The following TIGD5 variants were observed in gnomAD, a reference collection of about 807,000 sequenced individuals.
The protein encoded by TIGD5 is tigger transposable element-derived protein 5.
Under a neutral mutation model 28.8 loss-of-function variants are expected in TIGD5, and 24 were observed. That is an observed-to-expected ratio of 0.83 (90% confidence interval 0.60 to 1.17). The LOEUF (loss-of-function observed/expected upper bound fraction) is 1.17. TIGD5 is among the 50% of genes most tolerant of loss of function. The pLI is 0.00. For synonymous variants in TIGD5, 538 were observed against 430.5 expected, an observed-to-expected ratio of 1.25 and a Z score of -3.09; for missense variants, 922 against 911.4, an observed-to-expected ratio of 1.01 and a Z score of -0.15.
Position 143,599,238 on chromosome 8 carries a change from G to T in TIGD5, c.1335G>T (p.Pro445=). The T allele has an allele frequency of 6.2e-7, 1 of 1,611,544 alleles. No individual in the cohort carries two copies. Residue 445 remains proline, a synonymous_variant, in exon 1 of 1, where the codon CCG becomes CCT. Transcript: ENST00000504548. ...CTGTGTCCTGCGCCAGCGGCTCCCC[G>T]CTGGACTTCATGCGCAGCTTCATGC... The part of the protein sequence containing the change: ...RLAVSCASGS[P]LDFMRSFMLK...
rs1242774911 is a variant in TIGD5 at position 143,597,992 on chromosome 8, TCCCCGCTGCACGGCCGCCGCC to T, written c.96_116del (p.Ala33_Ala39del). Reference sequence around the variant, plus strand: ...CCCCCCGCGCCCGCCCCAGCCCCCGTCCCCGCTGCACGGCCGCCGCCCCCCGCGCCCGGGCCGCGGCCCCGC... The same window carrying T: ...CCCCCCGCGCCCGCCCCAGCCCCCGTCCCCGCGCCCGGGCCGCGGCCCCGC... On this transcript the variant is annotated inframe_deletion, in exon 1 of 1. Transcript: ENST00000504548. The T allele has an allele frequency of 8.9e-7, 1 of 1,128,594 alleles. No individual in the cohort carries two copies. 69.9% of individuals were successfully genotyped at this position (1,128,594 alleles called of 1,614,324 possible). A position where few individuals can be genotyped will look rare whatever the true frequency, so the allele number is the denominator to read the frequency against.
chr8:143,598,410 C>T lies in TIGD5; in HGVS notation c.507C>T (p.His169=). The T allele has an allele frequency of 3.3e-6, 5 of 1,522,872 alleles. No homozygotes were observed. Among genetic ancestry groups the T allele is most frequent in the South Asian group, 1.2e-5 (1 of 84,042 alleles). 94.3% of individuals were successfully genotyped at this position (1,522,872 alleles called of 1,614,324 possible). ...YGPECTFKAS[H]GWFWRWQKRH... The stretch of plus-strand genomic sequence containing the variant: ...CCGAGTGCACCTTCAAGGCCAGCCA[C>T]GGCTGGTTCTGGCGCTGGCAGAAGC... The change falls in exon 1 of 1, where the codon CAC becomes CAT. Residue 169 remains histidine, a synonymous_variant. Coordinates refer to ENST00000504548, the MANE Select transcript of TIGD5 (RefSeq NM_032862.5). This position sits in a 1 kb window ranked among gnomAD's most constrained non-coding sequence, Gnocchi z 6.6.
chr8:143,598,797 G>T lies in TIGD5; in HGVS notation c.894G>T (p.Pro298=). ...KLKPLVIGRL[P]DPPSLRHHNQ... ...AGCCGCTGGTCATCGGGCGGCTGCCGGACCCGCCCAGCCTGCGCCACCACA... is the reference window on the plus strand; with the variant it reads ...AGCCGCTGGTCATCGGGCGGCTGCCTGACCCGCCCAGCCTGCGCCACCACA... Residue 298 remains proline (P), a synonymous_variant, in exon 1 of 1, where the codon CCG becomes CCT. Coordinates refer to ENST00000504548, the MANE Select transcript of TIGD5 (RefSeq NM_032862.5). The surrounding 1 kb of genome is among the most constrained non-coding windows in gnomAD (Gnocchi z 6.6). 1 of 1,599,068 alleles carries T rather than the reference G, an allele frequency of 6.3e-7. No individual in the cohort carries two copies. Among genetic ancestry groups the T allele is most frequent in the South Asian group, 1.1e-5 (1 of 90,668 alleles).
rs750664719 is a variant in TIGD5 at position 143,598,238 on chromosome 8, A to G, written c.335A>G (p.Gln112Arg). The stretch of plus-strand genomic sequence containing the variant: ...CAGCTGGGCGGTGAGGTGGGCACTC[A>G]GCGCAAGAAGATGCGGCTGGCCAAC... ...LEQLGGEVGT[Q>R]RKKMRLANEE... The change falls in exon 1 of 1, where the codon CAG (glutamine) becomes CGG (arginine). Residue 112 changes from glutamine to arginine, a missense_variant. Transcript: ENST00000504548. This position sits in a 1 kb window ranked among gnomAD's most constrained non-coding sequence, Gnocchi z 6.6. 7 of 1,608,578 alleles carry G rather than the reference A, an allele frequency of 4.4e-6. 1 individual carries two copies. Among genetic ancestry groups the G allele is most frequent in the Non-Finnish European group, 5.1e-6 (6 of 1,178,272 alleles).
chr8:143,598,697 G>T lies in TIGD5; in HGVS notation c.794G>T (p.Gly265Val), dbSNP rs759588601. The T allele has an allele frequency of 1.3e-6, 2 of 1,500,668 alleles. No homozygotes were observed. Among genetic ancestry groups the T allele is most frequent in the Non-Finnish European group, 1.8e-6 (2 of 1,134,570 alleles). The allele number at this position is 1,500,668 out of a possible 1,614,324, so 93.0% of individuals were successfully genotyped here. A position where few individuals can be genotyped will look rare whatever the true frequency, so the allele number is the denominator to read the frequency against. Residue 265 changes from glycine (G) to valine (V), a missense_variant, in exon 1 of 1, where the codon GGC becomes GTC. Gly to Val is a moderately radical substitution (Grantham distance 109, BLOSUM62 -3). Coordinates refer to ENST00000504548, the MANE Select transcript of TIGD5 (RefSeq NM_032862.5). The surrounding 1 kb of genome is among the most constrained non-coding windows in gnomAD (Gnocchi z 6.6). Reference sequence around the variant, plus strand: ...GGCGCAGGGGACCCCGGGGCGGGGGGCTGTGGCCGGCGCTGGCGGGGCGAC... The same window carrying T: ...GGCGCAGGGGACCCCGGGGCGGGGGTCTGTGGCCGGCGCTGGCGGGGCGAC... ...PPGAGDPGAG[G>V]CGRRWRGDRV... is the part of the protein sequence containing the mutation.
In TIGD5 at chr8:143,598,657, C is replaced by G. The variant is rs1240742752; in HGVS notation, c.754C>G (p.Gln252Glu). The G allele has an allele frequency of 1.3e-6, 2 of 1,499,650 alleles. No individual in the cohort carries two copies. The highest frequency in any genetic ancestry group is 2.5e-5 in the South Asian group (2 of 80,796). The allele number at this position is 1,499,650 out of a possible 1,614,324, so 92.9% of individuals were successfully genotyped here. A position where few individuals can be genotyped will look rare whatever the true frequency, so the allele number is the denominator to read the frequency against. The change falls in exon 1 of 1, where the codon CAG (glutamine) becomes GAG (glutamate). Residue 252 changes from glutamine to glutamate, a missense_variant. Transcript: ENST00000504548. The surrounding 1 kb of genome is among the most constrained non-coding windows in gnomAD (Gnocchi z 6.6). ...CCTCTACTGGAAGCTGCTTCCGGAG[C>G]AGGCTGCGCCCCCGGGCGCAGGGGA... is the stretch of plus-strand genomic sequence containing the variant. ...TGLYWKLLPE[Q>E]AAPPGAGDPG...
rs769387771 is a variant in TIGD5, at chr8:143,599,646, A to C, written c.1743A>C (p.Gly581=). The part of the protein sequence containing the change: ...GEDEEEATDY[G]GTSVPTAGEA... ...ACGAGGAGGAGGCCACCGACTATGG[A>C]GGGACCTCAGTGCCGACTGCCGGGG... The change falls in exon 1 of 1, where the codon GGA becomes GGC. Residue 581 remains glycine (G), a synonymous_variant. Transcript: ENST00000504548. 4.4e-5 allele frequency: 67 copies of C among 1,522,274 alleles called. No homozygotes were observed. Among genetic ancestry groups the C allele is most frequent in the Non-Finnish European group, 5.7e-5 (65 of 1,138,052 alleles). 94.3% of individuals were successfully genotyped at this position (1,522,274 alleles called of 1,614,324 possible). A position where few individuals can be genotyped will look rare whatever the true frequency, so the allele number is the denominator to read the frequency against.
chr8:143,599,753 A>T lies in TIGD5; in HGVS notation c.1850A>T (p.Gln617Leu), dbSNP rs948070442. The T allele has an allele frequency of 2.7e-6, 4 of 1,496,518 alleles. No individual in the cohort carries two copies. In the Middle Eastern group the frequency reaches 5.4e-4, roughly 201 times the overall value. 92.7% of individuals were successfully genotyped at this position (1,496,518 alleles called of 1,614,324 possible). Residue 617 changes from glutamine (Q) to leucine (L), a missense_variant, in exon 1 of 1, where the codon CAG becomes CTG. Physicochemically the swap from Gln to Leu is moderately radical, Grantham distance 113. Transcript: ENST00000504548. ...GAGGTGGGGCCACTGAGGCTGGTGC[A>T]GTTGCGCTCACTCATCAGCATGGCC... ...PREVGPLRLV[Q>L]LRSLISMARR...
Position 143,598,797 on chromosome 8 carries a change from G to A in TIGD5, c.894G>A (p.Pro298=), listed in dbSNP as rs1403717512. 2 of 1,599,068 alleles carry A rather than the reference G, an allele frequency of 1.3e-6. No individual in the cohort carries two copies. Among genetic ancestry groups the A allele is most frequent in the Non-Finnish European group, 1.7e-6 (2 of 1,178,954 alleles). ...AGCCGCTGGTCATCGGGCGGCTGCCGGACCCGCCCAGCCTGCGCCACCACA... is the reference window on the plus strand; with the variant it reads ...AGCCGCTGGTCATCGGGCGGCTGCCAGACCCGCCCAGCCTGCGCCACCACA... ...KLKPLVIGRL[P]DPPSLRHHNQ... The change falls in exon 1 of 1, where the codon CCG becomes CCA. Residue 298 remains proline, a synonymous_variant. Transcript: ENST00000504548. The surrounding 1 kb of genome is among the most constrained non-coding windows in gnomAD (Gnocchi z 6.6).
In TIGD5 at chr8:143,599,051, C is replaced by A. The variant is rs978927469; in HGVS notation, c.1148C>A (p.Pro383Gln). ...GAGGATGCCCCCGTGCGGTGCAGGC[C>A]GGAGCCCCTCGGTCCCCCGGAGGAG... is the stretch of plus-strand genomic sequence containing the variant. ...DSEDAPVRCR[P>Q]EPLGPPEELQ... is the part of the protein sequence containing the mutation. Residue 383 changes from proline to glutamine, a missense_variant, in exon 1 of 1, where the codon CCG becomes CAG. Coordinates refer to ENST00000504548, the MANE Select transcript of TIGD5 (RefSeq NM_032862.5). The A allele has an allele frequency of 1.3e-6, 2 of 1,569,102 alleles. No homozygotes were observed. Among genetic ancestry groups the A allele is most frequent in the East Asian group, 2.3e-5 (1 of 42,626 alleles).
rs906440665 is a variant in TIGD5 at position 143,602,056 on chromosome 8, A to G, written c.*2224A>G. The G allele has an allele frequency of 1.4e-5, 2 of 140,638 alleles. No individual in the cohort carries two copies. The highest frequency in any genetic ancestry group is 5.3e-5 in the African/African-American group (2 of 37,610). 8.7% of individuals were successfully genotyped at this position (140,638 alleles called of 1,614,324 possible). A position where few individuals can be genotyped will look rare whatever the true frequency, so the allele number is the denominator to read the frequency against. On this transcript the variant is annotated 3_prime_UTR_variant, in exon 1 of 1. Transcript: ENST00000504548. Reference sequence around the variant, plus strand: ...GATTGCAGTGAGCCAAGATCACAACACCGCGCTCCAGTCTGCGCGACAGAG... The same window carrying G: ...GATTGCAGTGAGCCAAGATCACAACGCCGCGCTCCAGTCTGCGCGACAGAG...
chr8:143,599,758 C>T lies in TIGD5; in HGVS notation c.1855C>T (p.Arg619Cys), dbSNP rs560853224. Residue 619 changes from arginine (R) to cysteine (C), a missense_variant, in exon 1 of 1, where the codon CGC becomes TGC. Physicochemically the swap from Arg to Cys is radical, Grantham distance 180. Transcript: ENST00000504548. The part of the protein sequence containing the change: ...EVGPLRLVQL[R>C]SLISMARRLG... ...GGGGCCACTGAGGCTGGTGCAGTTG[C>T]GCTCACTCATCAGCATGGCCCGGAG... 30 of 1,494,524 alleles carry T rather than the reference C, an allele frequency of 2.0e-5. No homozygotes were observed. The highest frequency in any genetic ancestry group is 1.4e-4 in the East Asian group (6 of 42,910). The allele number at this position is 1,494,524 out of a possible 1,614,324, so 92.6% of individuals were successfully genotyped here. A position where few individuals can be genotyped will look rare whatever the true frequency, so the allele number is the denominator to read the frequency against.
chr8:143,598,422 G>C lies in TIGD5; in HGVS notation c.519G>C (p.Trp173Cys). ...CTFKASHGWF[W>C]RWQKRHGISS... ...TCAAGGCCAGCCACGGCTGGTTCTGGCGCTGGCAGAAGCGCCACGGCATCT... is the reference window on the plus strand; with the variant it reads ...TCAAGGCCAGCCACGGCTGGTTCTGCCGCTGGCAGAAGCGCCACGGCATCT... The change falls in exon 1 of 1, where the codon TGG (tryptophan) becomes TGC (cysteine). Residue 173 changes from tryptophan (W) to cysteine (C), a missense_variant. Trp to Cys is a radical substitution (Grantham distance 215). Transcript: ENST00000504548. The surrounding 1 kb of genome is among the most constrained non-coding windows in gnomAD (Gnocchi z 6.6). 1 of 1,507,594 alleles carries C rather than the reference G, an allele frequency of 6.6e-7. No homozygotes were observed. Among genetic ancestry groups the C allele is most frequent in the Non-Finnish European group, 8.8e-7 (1 of 1,131,170 alleles). The allele number at this position is 1,507,594 out of a possible 1,614,324, so 93.4% of individuals were successfully genotyped here.
chr8:143,599,693 C>G lies in TIGD5; in HGVS notation c.1790C>G (p.Thr597Arg). 6.6e-7 allele frequency: 1 copy of G among 1,516,452 alleles called. No individual in the cohort carries two copies. The allele number at this position is 1,516,452 out of a possible 1,614,324, so 93.9% of individuals were successfully genotyped here. The change falls in exon 1 of 1, where the codon ACA becomes AGA. Residue 597 changes from threonine to arginine, a missense_variant. Thr to Arg is a moderately conservative substitution (Grantham distance 71). Transcript: ENST00000504548. ...TAGEAVRGLE[T>R]ALRWLENQDP... ...GGGGAGGCCGTGCGGGGGCTAGAAA[C>G]AGCTCTGCGGTGGCTGGAGAACCAG... is the stretch of plus-strand genomic sequence containing the variant.
rs1357594856 is a variant in TIGD5, at chr8:143,598,544, G to A, written c.641G>A (p.Gly214Asp). ...KEEPALPSGA[G>D]PLPDRAPAPP... ...GAGCCCGCGCTGCCCTCCGGCGCCG[G>A]CCCCCTGCCCGACCGCGCCCCGGCC... The change falls in exon 1 of 1, where the codon GGC becomes GAC. Residue 214 changes from glycine to aspartate, a missense_variant. Transcript: ENST00000504548. This position sits in a 1 kb window ranked among gnomAD's most constrained non-coding sequence, Gnocchi z 6.6. 7.7e-6 allele frequency: 10 copies of A among 1,298,570 alleles called. No individual in the cohort carries two copies. The highest frequency in any genetic ancestry group is 3.2e-5 in the East Asian group (1 of 31,082). 80.4% of individuals were successfully genotyped at this position (1,298,570 alleles called of 1,614,324 possible). A position where few individuals can be genotyped will look rare whatever the true frequency, so the allele number is the denominator to read the frequency against.
Position 143,598,603 on chromosome 8 carries a change from G to A in TIGD5, c.700G>A (p.Glu234Lys). 7.0e-7 allele frequency: 1 copy of A among 1,420,200 alleles called. No homozygotes were observed. The highest frequency in any genetic ancestry group is 3.3e-5 in the Admixed American group (1 of 30,104). The allele number at this position is 1,420,200 out of a possible 1,614,324, so 88.0% of individuals were successfully genotyped here. A position where few individuals can be genotyped will look rare whatever the true frequency, so the allele number is the denominator to read the frequency against. The change falls in exon 1 of 1, where the codon GAG becomes AAG. Residue 234 changes from glutamate to lysine, a missense_variant. Glu to Lys is a moderately conservative substitution (Grantham distance 56). Coordinates refer to ENST00000504548, the MANE Select transcript of TIGD5 (RefSeq NM_032862.5). The surrounding 1 kb of genome is among the most constrained non-coding windows in gnomAD (Gnocchi z 6.6). ...CCCGGCCGAGGGCGGCTACGGGGAC[G>A]AGCAGATTTACAGCGCCAGCGTCAC... Reference protein sequence around the residue: ...PPPAEGGYGDEQIYSASVTGL... With the variant: ...PPPAEGGYGDKQIYSASVTGL...
Position 143,599,663 on chromosome 8 carries a change from C to G in TIGD5, c.1760C>G (p.Thr587Ser). The change falls in exon 1 of 1, where the codon ACT becomes AGT. Residue 587 changes from threonine to serine, a missense_variant. By Grantham distance (58) the Thr-to-Ser change is moderately conservative. Coordinates refer to ENST00000504548, the MANE Select transcript of TIGD5 (RefSeq NM_032862.5). ...ATDYGGTSVP[T>S]AGEAVRGLET... ...GACTATGGAGGGACCTCAGTGCCGA[C>G]TGCCGGGGAGGCCGTGCGGGGGCTA... is the stretch of plus-strand genomic sequence containing the variant. 1 of 1,519,758 alleles carries G rather than the reference C, an allele frequency of 6.6e-7. No individual in the cohort carries two copies. The highest frequency in any genetic ancestry group is 1.4e-5 in the African/African-American group (1 of 71,738). 94.1% of individuals were successfully genotyped at this position (1,519,758 alleles called of 1,614,324 possible).
Position 143,600,114 on chromosome 8 carries a change from G to A in TIGD5, c.*282G>A, listed in dbSNP as rs1829237099. On this transcript the variant is annotated 3_prime_UTR_variant, in exon 1 of 1. Coordinates refer to ENST00000504548, the MANE Select transcript of TIGD5 (RefSeq NM_032862.5). ...AGGCACAGCGCCTGTTGGAACAGGT[G>A]GCTGTGTTCCTGCTCTGGCCCCCGT... is the stretch of plus-strand genomic sequence containing the variant. 3 of 376,058 alleles carry A rather than the reference G, an allele frequency of 8.0e-6. No individual in the cohort carries two copies. Among genetic ancestry groups the A allele is most frequent in the Non-Finnish European group, 1.4e-5 (3 of 211,962 alleles). The allele number at this position is 376,058 out of a possible 1,614,324, so 23.3% of individuals were successfully genotyped here.
rs1053628144 is a variant in TIGD5, at chr8:143,603,140, G to A, written c.*3308G>A. On this transcript the variant is annotated 3_prime_UTR_variant, in exon 1 of 1. Coordinates refer to ENST00000504548, the MANE Select transcript of TIGD5 (RefSeq NM_032862.5). ...GTTGAGGGCCCTTCCTCTAACTGGC[G>A]AGCTTGTTTACAGCTGAGCTCGCCT... 16 of 152,318 alleles carry A rather than the reference G, an allele frequency of 1.1e-4. No individual in the cohort carries two copies. The highest frequency in any genetic ancestry group is 3.4e-3 in the Middle Eastern group (1 of 294). The allele number at this position is 152,318 out of a possible 1,614,324, so 9.4% of individuals were successfully genotyped here. A position where few individuals can be genotyped will look rare whatever the true frequency, so the allele number is the denominator to read the frequency against.
Sources: gnomAD v4.1 joint callset for allele counts on GRCh38, gnomAD v4.1.1 for gene constraint, Gnocchi (gnomAD v3.1) non-coding constraint, MANE v1.5 for transcripts, NCBI Gene and HGNC (gene_info 2026-07-23, HGNC 2026-07-21) for gene names.